The following FANCI variants were observed in gnomAD, a reference collection of about 807,000 sequenced individuals.
The protein encoded by FANCI is FA complementation group I, also known as Fanconi anemia group I protein.
A neutral mutation model predicts 176.1 loss-of-function variants in FANCI; 156 were observed. That is an observed-to-expected ratio of 0.89 (90% CI 0.78 to 1.01). The LOEUF (loss-of-function observed/expected upper bound fraction) is 1.01. FANCI is among the 50% of genes least tolerant of loss of function. The pLI, the probability that FANCI is intolerant of heterozygous loss-of-function variation, is 0.00. For missense variants in FANCI, 1,678 were observed against 1,534.1 expected, an observed-to-expected ratio of 1.09 and a Z score of -1.57; for synonymous variants, 613 against 541.7, an observed-to-expected ratio of 1.13 and a Z score of -1.83.
Position 89,292,704 on chromosome 15 carries a change from G to C in FANCI, c.2009G>C (p.Cys670Ser). Residue 670 changes from cysteine to serine, a missense_variant, in exon 21 of 38, where the codon TGT (cysteine) becomes TCT (serine). Physicochemically the swap from Cys to Ser is moderately radical, Grantham distance 112 (BLOSUM62 -1). Transcript: ENST00000310775. Reference sequence around the variant, plus strand: ...CTCCTACAGGATTATCTGCTGTGTTGTATTCAGCATTGTTTGGCCTGGTAT... The same window carrying C: ...CTCCTACAGGATTATCTGCTGTGTTCTATTCAGCATTGTTTGGCCTGGTAT... ...LQEPLDYLLC[C>S]IQHCLAWYKN... 1.6e-5 allele frequency: 26 copies of C among 1,613,564 alleles called. No homozygotes were observed. The highest frequency in any genetic ancestry group is 2.2e-5 in the Non-Finnish European group (26 of 1,179,876).
chr15:89,273,535 A>AT, intron 11 of FANCI, 66 bp downstream of exon 11: 1 of 840,504 alleles, frequency 1.2e-6, no homozygotes, highest in East Asian at 2.7e-5. Context: ...AAAAAAAAAA[A>AT]TCACAGTAAT....
chr15:89,308,861 G>A (rs915973855), intron 34 of FANCI, among the ~76,000 whole-genome samples: 3 of 151,682 alleles, frequency 2.0e-5, no homozygotes, highest in Admixed American at 6.6e-5. Flanking sequence ...CAGGAGAATC[G>A]CCTGAACCTG....
intron 2 of FANCI, among the ~76,000 whole-genome samples, chr15:89,252,467 A>T (rs2052299657): frequency 6.6e-6 from 1 of 151,958 alleles, no homozygotes; most frequent in African/African-American, 2.4e-5. Flanking sequence ...CATAATAGCC[A>T]GTTAGCTCAC....
intron 24 of FANCI, among the ~76,000 whole-genome samples, chr15:89,297,322 G>A (rs1364799291): frequency 8.8e-4 from 134 of 151,462 alleles, no homozygotes; most frequent in Middle Eastern, 6.8e-3. Context: ...ATGGGATTGC[G>A]GCCGGGCAGA....
At chr15:89,258,653 T>C (rs1409173060) in intron 2 of FANCI, 51 bp from the exon 3 acceptor site, 4 of 1,354,598 alleles carry the variant, frequency 3.0e-6, no homozygotes, top group Admixed American at 1.7e-5. Flanking sequence ...GTTTAGGTCA[T>C]TGGGGTAAAA....
intron 12 of FANCI, among the ~76,000 whole-genome samples, chr15:89,274,837 T>C (rs2053347073): frequency 2.0e-5 from 3 of 151,970 alleles, no homozygotes; most frequent in Non-Finnish European, 4.4e-5. Flanking sequence ...ACTTCTGAGC[T>C]CAAGCAATCC....
At position 89,306,113 on chromosome 15, in the gene FANCI, T is replaced by C; in HGVS notation, c.3456T>C (p.Ala1152=). 1 of 1,614,204 alleles carries C rather than the reference T, an allele frequency of 6.2e-7. No individual in the cohort carries two copies. The highest frequency in any genetic ancestry group is 8.5e-7 in the Non-Finnish European group (1 of 1,180,038). ...TTTTCCACGAGCTGGTGCAGACAGC[T>C]CTGCCATCAGGCAGCTGTGTGGACA... The part of the protein sequence containing the change: ...LTFFHELVQT[A]LPSGSCVDTL... The change falls in exon 32 of 38, where the codon GCT becomes GCC. Residue 1152 remains alanine (A), a synonymous_variant. Transcript: ENST00000310775.
chr15:89,293,014 G>C lies in FANCI; in HGVS notation c.2242G>C (p.Gly748Arg). The change falls in exon 22 of 38, where the codon GGA becomes CGA. Residue 748 changes from glycine to arginine, a missense_variant. Coordinates refer to ENST00000310775, the MANE Select transcript of FANCI (RefSeq NM_001113378.2). ...KNNICAFLVM[G>R]VCEVLIEYNF... is the part of the protein sequence containing the mutation. ...TAATATCTGTGCTTTTCTTGTGATG[G>C]GAGTTTGTGAGGTTTTAATAGAATA... is the stretch of plus-strand genomic sequence containing the variant. 1 of 1,613,956 alleles carries C rather than the reference G, an allele frequency of 6.2e-7. No individual in the cohort carries two copies. The highest frequency in any genetic ancestry group is 8.5e-7 in the Non-Finnish European group (1 of 1,179,924).
At chr15:89,263,352 A>T (rs2052797400) in intron 6 of FANCI, 67 bp from the exon 7 acceptor site, 1 of 1,396,390 alleles carries the variant, frequency 7.2e-7, no homozygotes, top group Non-Finnish European at 1.0e-6. Flanking sequence ...TTTTGTCCTC[A>T]TTAATTTTAC....
At position 89,264,644 on chromosome 15, in the gene FANCI, C is replaced by T. The variant is rs955005949; in HGVS notation, c.755+37C>T. 3.2e-6 allele frequency: 5 copies of T among 1,547,062 alleles called. No homozygotes were observed. In the East Asian group the frequency reaches 9.1e-5, roughly 28 times the overall value. On this transcript the variant is annotated intron_variant, in intron 9 of 37. Transcript: ENST00000310775. ...AGTGTAGAAATAAAGATCATTTTTA[C>T]AAATTCATCTTCTCATTGTGTATTT...
At chr15:89,277,099 C>G (rs1405277128) in intron 13 of FANCI, among the ~76,000 whole-genome samples, 2 of 152,172 alleles carry the variant, frequency 1.3e-5, no homozygotes, top group Non-Finnish European at 1.5e-5. Flanking sequence ...GTAAGTTTTT[C>G]ATTTATTCCA....
chr15:89,285,808 ATAGTT>A (rs2151620421), intron 18 of FANCI, among the ~76,000 whole-genome samples: 1 of 152,152 alleles, frequency 6.6e-6, no homozygotes, highest in South Asian at 2.1e-4. Flanking sequence ...TTTATTGCCT[ATAGTT>A]TCAAATTTGT....
At chr15:89,290,162 T>C (rs1193045085) in intron 18 of FANCI, 51 bp from the exon 19 acceptor site, 2 of 1,348,658 alleles carry the variant, frequency 1.5e-6, no homozygotes, top group African/African-American at 1.4e-5. Context: ...ATTGTCCAGA[T>C]CACTAGTATC....
chr15:89,300,270 A>C (rs1455242249), intron 25 of FANCI, 30 bp from the exon 26 acceptor site: 2 of 1,601,750 alleles, frequency 1.2e-6, no homozygotes, highest in Non-Finnish European at 1.7e-6. Flanking sequence ...TTTATATCAA[A>C]GAAGACAAGA....
In FANCI at chr15:89,305,101, C is replaced by A. The variant is rs771779576; in HGVS notation, c.3059-14C>A. The A allele has an allele frequency of 2.5e-6, 4 of 1,613,698 alleles. No individual in the cohort carries two copies. Among genetic ancestry groups the A allele is most frequent in the Non-Finnish European group, 3.4e-6 (4 of 1,179,972 alleles). On this transcript the variant is annotated splice_polypyrimidine_tract_variant and intron_variant, in intron 28 of 37. Coordinates refer to ENST00000310775, the MANE Select transcript of FANCI (RefSeq NM_001113378.2). ...ACAACTTACCTTTTAATTTGCTTTT[C>A]TTCCTATTCCTAGAGGATGCCTTGT...
intron 23 of FANCI, among the ~76,000 whole-genome samples, chr15:89,294,601 A>AG (rs112122784): frequency 6.4e-4 from 96 of 151,058 alleles, no homozygotes; most frequent in African/African-American, 1.9e-3. Context: ...ATAAAAAGGT[A>AG]GGGGGGGTGA....
chr15:89,278,105 G>A (rs554202043), intron 13 of FANCI, among the ~76,000 whole-genome samples: 18 of 152,068 alleles, frequency 1.2e-4, no homozygotes, highest in Non-Finnish European at 2.4e-4. Context: ...CATGGATGTC[G>A]GCTTTATCAA....
chr15:89,283,260 A>C lies in FANCI; in HGVS notation c.1698+10A>C. ...TCTCAGTGTCAGTCAGGTAAGGATTATTTACGTTAACTTGCAGTGTGTGCG... is the reference window on the plus strand; with the variant it reads ...TCTCAGTGTCAGTCAGGTAAGGATTCTTTACGTTAACTTGCAGTGTGTGCG... On this transcript the variant is annotated intron_variant, in intron 17 of 37. Coordinates refer to ENST00000310775, the MANE Select transcript of FANCI (RefSeq NM_001113378.2). The C allele has an allele frequency of 6.2e-7, 1 of 1,613,294 alleles. No homozygotes were observed. The highest frequency in any genetic ancestry group is 2.2e-5 in the East Asian group (1 of 44,880).
chr15:89,259,936 A>G (rs576448784), intron 3 of FANCI, among the ~76,000 whole-genome samples: 7 of 152,350 alleles, frequency 4.6e-5, no homozygotes, highest in Admixed American at 2.0e-4. Flanking sequence ...TAATACTACT[A>G]TGAACATTTG....
Sources: allele counts gnomAD v4.1 joint callset (sites outside exome capture counted in the v4.1 genomes callset), GRCh38; gene constraint gnomAD v4.1.1; transcripts MANE v1.5; gene names NCBI Gene and HGNC (gene_info 2026-07-23, HGNC 2026-07-21).